The following CACNA2D3 variants were observed in gnomAD, a reference collection of about 807,000 sequenced individuals.
CACNA2D3 encodes the protein voltage-dependent calcium channel subunit alpha-2/delta-3.
CACNA2D3 carries 60 observed loss-of-function variants against 160.6 expected under a neutral mutation model. The observed-to-expected ratio is 0.37, with a 90% CI of 0.30 to 0.46. The LOEUF is 0.46. CACNA2D3 is among the 20% of genes least tolerant of loss of function. The pLI is 1.00. For missense variants in CACNA2D3, 1,205 were observed against 1,365.0 expected (o/e 0.88, Z 1.85); for synonymous variants, 558 against 492.9 (o/e 1.13, Z -1.75).
chr3:54,174,913 G>C (rs753027002), intron 2 of CACNA2D3, among the ~76,000 whole-genome samples: 45 of 152,272 alleles, frequency 3.0e-4, no homozygotes, highest in Non-Finnish European at 6.3e-4. Context: ...TGGAGGCATC[G>C]ATTTTTGAGG....
chr3:54,422,104 A>G (rs1241896785), intron 4 of CACNA2D3, among the ~76,000 whole-genome samples: 3 of 152,210 alleles, frequency 2.0e-5, no homozygotes, highest in Non-Finnish European at 4.4e-5. Flanking sequence ...GTCAGGGTTC[A>G]CTGGTTGGAG....
intron 2 of CACNA2D3, among the ~76,000 whole-genome samples, chr3:54,285,465 A>G (rs1458267400): frequency 6.6e-6 from 1 of 152,238 alleles, no homozygotes; most frequent in Non-Finnish European, 1.5e-5. Flanking sequence ...CCACAGCTCA[A>G]GGAGGCCTGC....
At chr3:54,817,616 T>C (rs1703486322) in intron 14 of CACNA2D3, among the ~76,000 whole-genome samples, 2 of 152,218 alleles carry the variant, frequency 1.3e-5, no homozygotes, top group Admixed American at 1.3e-4. Flanking sequence ...GGGCCAGATG[T>C]TGTGTTTCAA....
intron 8 of CACNA2D3, among the ~76,000 whole-genome samples, chr3:54,571,731 A>G (rs564529527): frequency 6.6e-6 from 1 of 151,954 alleles, no homozygotes. Context: ...GTTGCTATGG[A>G]CAATGGAGGC....
intron 8 of CACNA2D3, among the ~76,000 whole-genome samples, chr3:54,570,379 G>A (rs889768790): frequency 2.0e-5 from 3 of 152,052 alleles, no homozygotes; most frequent in African/African-American, 7.2e-5. Context: ...TGGTATTCCT[G>A]GGGAGCTGAC....
chr3:54,552,278 A>G (rs1334445965), intron 5 of CACNA2D3, among the ~76,000 whole-genome samples: 2 of 152,184 alleles, frequency 1.3e-5, no homozygotes, highest in African/African-American at 4.8e-5. Context: ...GTATATCCTG[A>G]GTATTAAGTA....
chr3:54,450,657 A>G (rs1410541869), intron 4 of CACNA2D3, among the ~76,000 whole-genome samples: 2 of 152,074 alleles, frequency 1.3e-5, no homozygotes, highest in African/African-American at 4.8e-5. Flanking sequence ...CTCTCTCAGC[A>G]TGTGGTCACT....
chr3:54,813,285 C>T (rs761014460), intron 13 of CACNA2D3, among the ~76,000 whole-genome samples: 7 of 152,138 alleles, frequency 4.6e-5, no homozygotes, highest in Admixed American at 6.5e-5. Context: ...CAAGGCAGAG[C>T]CTGGTTGGCA....
chr3:54,823,749 G>C (rs766345391), intron 14 of CACNA2D3, among the ~76,000 whole-genome samples: 1 of 152,130 alleles, frequency 6.6e-6, no homozygotes, highest in Admixed American at 6.5e-5. Context: ...GTGTGTGTGC[G>C]TGTGTGTACA....
At chr3:54,683,664 A>C (rs566449561) in intron 11 of CACNA2D3, among the ~76,000 whole-genome samples, 1 of 152,288 alleles carries the variant, frequency 6.6e-6, no homozygotes, top group East Asian at 1.9e-4. Flanking sequence ...TCTTAGGAGA[A>C]CTATTGCCAT....
intron 2 of CACNA2D3, among the ~76,000 whole-genome samples, chr3:54,169,419 C>A (rs1281205110): frequency 1.3e-5 from 2 of 152,068 alleles, no homozygotes; most frequent in Non-Finnish European, 2.9e-5. Context: ...GGATTGGGAA[C>A]CAAGTTACAT....
chr3:54,888,891 C>T (rs1450084329), intron 24 of CACNA2D3, among the ~76,000 whole-genome samples: 1 of 152,148 alleles, frequency 6.6e-6, no homozygotes, highest in Non-Finnish European at 1.5e-5. Flanking sequence ...AGAGAAACCA[C>T]ACAGATAGAG....
chr3:54,300,707 G>T (rs2107489273), intron 2 of CACNA2D3, among the ~76,000 whole-genome samples: 1 of 152,294 alleles, frequency 6.6e-6, no homozygotes, highest in East Asian at 1.9e-4. Context: ...TTGGGTCAGT[G>T]GGGTCTTTTT....
rs1351986488 is a variant in CACNA2D3 at position 54,642,236 on chromosome 3, C to T, written c.1162C>T (p.Arg388Ter). ...TIFAKYNWPD[R>*]KVRIFTYLIG... ...CTTTGCAAAATACAATTGGCCAGATCGAAAGGTAAGTTGATGCTGATCCCG... is the reference window on the plus strand; with the variant it reads ...CTTTGCAAAATACAATTGGCCAGATTGAAAGGTAAGTTGATGCTGATCCCG... The change falls in exon 11 of 38, where the codon CGA (arginine) becomes TGA (stop). Residue 388 changes from arginine to a stop codon, truncating the protein, a stop_gained. Transcript: ENST00000474759. LOFTEE classifies it high-confidence loss of function. The T allele has an allele frequency of 1.9e-6, 3 of 1,602,726 alleles. No individual in the cohort carries two copies. The highest frequency in any genetic ancestry group is 2.6e-6 in the Non-Finnish European group (3 of 1,172,030).
intron 4 of CACNA2D3, among the ~76,000 whole-genome samples, chr3:54,470,888 A>G (rs1205523069): frequency 6.6e-6 from 1 of 152,236 alleles, no homozygotes; most frequent in Non-Finnish European, 1.5e-5. Flanking sequence ...TATGCACCCA[A>G]TACAGGAGCA....
intron 2 of CACNA2D3, among the ~76,000 whole-genome samples, chr3:54,306,176 C>A (rs569860807): frequency 9.2e-5 from 14 of 152,124 alleles, no homozygotes; most frequent in Non-Finnish European, 1.8e-4. Context: ...GCTGCACCCC[C>A]CAACCCGAAG....
intron 13 of CACNA2D3, among the ~76,000 whole-genome samples, chr3:54,813,619 C>G (rs564684453): frequency 1.3e-5 from 2 of 152,206 alleles, no homozygotes; most frequent in African/African-American, 2.4e-5. Context: ...TGGGCATATC[C>G]TAGTAATAAG....
intron 11 of CACNA2D3, among the ~76,000 whole-genome samples, chr3:54,737,182 A>ATGTATGTGTG (rs1422441113): frequency 1.4e-5 from 2 of 147,490 alleles, no homozygotes; most frequent in African/African-American, 2.5e-5. Flanking sequence ...CCATGTGTAT[A>ATGTATGTGTG]TGTGTGTGTG....
chr3:54,603,733 T>G (rs1462366486), intron 9 of CACNA2D3, among the ~76,000 whole-genome samples: 2 of 152,216 alleles, frequency 1.3e-5, no homozygotes, highest in Non-Finnish European at 2.9e-5. Context: ...GCCCGACAAT[T>G]TCTTACTACA....
Sources: allele counts gnomAD v4.1 joint callset (sites outside exome capture counted in the v4.1 genomes callset), GRCh38; gene constraint gnomAD v4.1.1; transcripts MANE v1.5; gene names NCBI Gene and HGNC (gene_info 2026-07-23, HGNC 2026-07-21).